WWOX: variants seen among roughly 807,000 people sequenced by gnomAD.
WWOX encodes the protein WW domain containing oxidoreductase.
Under a neutral mutation model 46.2 loss-of-function variants are expected in WWOX, and 69 were observed. The ratio of observed to expected loss-of-function variants is 1.49; its 90% CI spans 1.23 to 1.82. The LOEUF is 1.82. Among genes scored for constraint, WWOX ranks in the 40% most tolerant of loss-of-function variants. The pLI is 0.00. For missense variants in WWOX, 919 were observed against 542.6 expected, an observed-to-expected ratio of 1.69 and a Z score of -6.89; for synonymous variants, 359 against 202.6, an observed-to-expected ratio of 1.77 and a Z score of -6.56.
At chr16:78,864,312 G>A (rs2043955449) in intron 8 of WWOX, among the ~76,000 whole-genome samples, 1 of 151,668 alleles carries the variant, frequency 6.6e-6, no homozygotes, top group Non-Finnish European at 1.5e-5. Flanking sequence ...TGTTGCCCAG[G>A]CTGGAGTGCA....
chr16:78,747,546 A>T (rs1363349964), intron 8 of WWOX, among the ~76,000 whole-genome samples: 1 of 152,152 alleles, frequency 6.6e-6, no homozygotes, highest in African/African-American at 2.4e-5. Flanking sequence ...TAATGTTCAG[A>T]TGAGGAAACT....
intron 8 of WWOX, among the ~76,000 whole-genome samples, chr16:78,748,307 A>G (rs907757401): frequency 3.3e-5 from 5 of 152,190 alleles, no homozygotes; most frequent in Admixed American, 2.6e-4. Flanking sequence ...AAATAGCTCA[A>G]AAGACTCTAT....
chr16:79,151,294 G>A (rs566540229), intron 8 of WWOX, among the ~76,000 whole-genome samples: 1 of 152,290 alleles, frequency 6.6e-6, no homozygotes, highest in South Asian at 2.1e-4. Flanking sequence ...AAGTAAAGGC[G>A]TTATTCTTTG....
chr16:78,774,660 C>T (rs1452400901), intron 8 of WWOX, among the ~76,000 whole-genome samples: 1 of 151,908 alleles, frequency 6.6e-6, no homozygotes, highest in African/African-American at 2.4e-5. Flanking sequence ...AGGCTCCGGG[C>T]AGTTCCTTGA....
intron 8 of WWOX, among the ~76,000 whole-genome samples, chr16:79,179,838 G>A (rs2050874685): frequency 6.6e-6 from 1 of 152,242 alleles, no homozygotes; most frequent in Non-Finnish European, 1.5e-5. Context: ...TTCAGCAGCT[G>A]TCATGGAACT....
At chr16:78,404,761 G>A (rs1341066152) in intron 6 of WWOX, among the ~76,000 whole-genome samples, 2 of 152,046 alleles carry the variant, frequency 1.3e-5, no homozygotes, top group African/African-American at 2.4e-5. Context: ...TTACTTTCCC[G>A]ACCAGCCCCC....
At chr16:78,724,405 T>C (rs748139819) in intron 8 of WWOX, among the ~76,000 whole-genome samples, 61 of 152,210 alleles carry the variant, frequency 4.0e-4, no homozygotes, top group Non-Finnish European at 6.8e-4. Context: ...TGCTTTTCCT[T>C]GTTCCAGAAG....
intron 8 of WWOX, among the ~76,000 whole-genome samples, chr16:78,810,797 AG>A (rs1268268722): frequency 3.3e-5 from 5 of 152,266 alleles, no homozygotes; most frequent in East Asian, 3.9e-4. Flanking sequence ...CATCTTATGC[AG>A]GGGGGAAAAA....
chr16:78,778,291 A>G (rs982117046), intron 8 of WWOX, among the ~76,000 whole-genome samples: 2 of 152,162 alleles, frequency 1.3e-5, no homozygotes, highest in Non-Finnish European at 2.9e-5. Flanking sequence ...GTGATTGGTA[A>G]CCACTGATAC....
chr16:78,476,025 A>G (rs933644226), intron 8 of WWOX, among the ~76,000 whole-genome samples: 1 of 152,130 alleles, frequency 6.6e-6, no homozygotes, highest in African/African-American at 2.4e-5. Flanking sequence ...CTCCTTACTC[A>G]TGCTTCCTCT....
At chr16:78,815,021 C>T (rs962038168) in intron 8 of WWOX, among the ~76,000 whole-genome samples, 1 of 152,194 alleles carries the variant, frequency 6.6e-6, no homozygotes, top group Non-Finnish European at 1.5e-5. Flanking sequence ...TCACCACCTT[C>T]CTCTGTAGAA....
intron 8 of WWOX, among the ~76,000 whole-genome samples, chr16:79,002,213 C>CA (rs1282109270): frequency 2.4e-5 from 1 of 41,302 alleles, no homozygotes; most frequent in Non-Finnish European, 4.1e-5. Flanking sequence ...GGTGTCCTGC[C>CA]TTTTTTTTTT....
intron 5 of WWOX, among the ~76,000 whole-genome samples, chr16:78,358,653 G>C (rs929028558): frequency 2.1e-5 from 3 of 142,262 alleles, no homozygotes; most frequent in African/African-American, 5.4e-5. Context: ...GCAAGACTCC[G>C]TGTCAAAAAA....
Position 78,267,603 on chromosome 16 carries a change from C to T in WWOX, c.516+103314C>T, listed in dbSNP as rs561829238. ...CTGAGGAAGGCTCAGTCCTTGGCAG[C>T]GAAATCCAGGCATGGAAACCAAGCC... On this transcript the variant is annotated intron_variant, in intron 5 of 8. Coordinates refer to ENST00000566780, the MANE Select transcript of WWOX (RefSeq NM_016373.4). Among the ~76,000 whole-genome samples the T allele has an allele frequency of 4.2e-4, 64 of 152,248 alleles. 1 individual carries two copies. The South Asian group carries it at 0.011, about 26-fold the overall frequency.
At chr16:78,962,880 A>G (rs1597211429) in intron 8 of WWOX, among the ~76,000 whole-genome samples, 1 of 152,146 alleles carries the variant, frequency 6.6e-6, no homozygotes, top group South Asian at 2.1e-4. Flanking sequence ...AATTCATATA[A>G]ATAGTCACCC....
intron 5 of WWOX, among the ~76,000 whole-genome samples, chr16:78,316,818 A>G (rs186518737): frequency 1.3e-5 from 2 of 152,164 alleles, no homozygotes; most frequent in African/African-American, 2.4e-5. Context: ...GTATTTTTCA[A>G]TGCTGCTTTT....
chr16:78,908,821 G>A lies in WWOX; in HGVS notation c.1057-302787G>A, dbSNP rs537995596. Among the ~76,000 whole-genome samples the A allele has an allele frequency of 2.6e-5, 4 of 152,310 alleles. No homozygotes were observed. The East Asian group carries it at 7.7e-4, about 29-fold the overall frequency. ...GGTGGTGCCAGCTGATCCATCAATTGCAGGGTCTGCAAAGTATCTAAAGTA... is the reference window on the plus strand; with the variant it reads ...GGTGGTGCCAGCTGATCCATCAATTACAGGGTCTGCAAAGTATCTAAAGTA... On this transcript the variant is annotated intron_variant, in intron 8 of 8. Coordinates refer to ENST00000566780, the MANE Select transcript of WWOX (RefSeq NM_016373.4).
At chr16:78,446,028 A>G (rs1181490325) in intron 8 of WWOX, among the ~76,000 whole-genome samples, 1 of 152,194 alleles carries the variant, frequency 6.6e-6, no homozygotes, top group African/African-American at 2.4e-5. Flanking sequence ...GTGGACTGAT[A>G]ACTGGGCTTA....
intron 5 of WWOX, among the ~76,000 whole-genome samples, chr16:78,245,147 G>A (rs113573079): frequency 9.2e-4 from 140 of 152,264 alleles, no homozygotes; most frequent in African/African-American, 3.2e-3. Context: ...TATCCCATAT[G>A]GATAATAGTT....
Sources: allele counts gnomAD v4.1 joint callset (sites outside exome capture counted in the v4.1 genomes callset), GRCh38; gene constraint gnomAD v4.1.1; transcripts MANE v1.5; gene names NCBI Gene and HGNC (gene_info 2026-07-23, HGNC 2026-07-21).